The following DDAH1 variants were observed in gnomAD, a reference collection of about 807,000 sequenced individuals.
The protein encoded by DDAH1 is N(G),N(G)-dimethylarginine dimethylaminohydrolase 1.
A neutral mutation model predicts 28.8 loss-of-function variants in DDAH1; 19 were observed. The ratio of observed to expected loss-of-function variants is 0.66; its 90% CI spans 0.46 to 0.97. The LOEUF is 0.97. Among genes scored for constraint, DDAH1 ranks in the 50% least tolerant of loss-of-function variants. The pLI is 0.00. For synonymous variants in DDAH1, 153 were observed against 154.4 expected, an observed-to-expected ratio of 0.99 and a Z score of 0.07; for missense variants, 326 against 375.9, an observed-to-expected ratio of 0.87 and a Z score of 1.10.
intron 1 of DDAH1, among the ~76,000 whole-genome samples, chr1:85,398,283 T>C (rs1299690705): frequency 6.6e-6 from 1 of 152,226 alleles, no homozygotes; most frequent in Non-Finnish European, 1.5e-5. Context: ...TGTACTTATA[T>C]ACAAATAATC....
chr1:85,500,126 CTTTCT>C (rs1656752670), intron 1 of DDAH1, among the ~76,000 whole-genome samples: 7 of 39,020 alleles, frequency 1.8e-4, no homozygotes, highest in Non-Finnish European at 3.9e-4. Context: ...TTCTTTCTTT[CTTTCT>C]TTCTTTCTTT....
chr1:85,352,301 G>A (rs1466465455), intron 2 of DDAH1, among the ~76,000 whole-genome samples: 2 of 151,996 alleles, frequency 1.3e-5, no homozygotes, highest in East Asian at 1.9e-4. Context: ...GTGATGGGAC[G>A]GTGTCCTGTC....
At chr1:85,480,446 T>A (rs1028553996) in intron 2 of DDAH1, among the ~76,000 whole-genome samples, 1 of 152,166 alleles carries the variant, frequency 6.6e-6, no homozygotes, top group Non-Finnish European at 1.5e-5. Context: ...CCATTCATCA[T>A]TTTAAAAATC....
chr1:85,563,715 G>T (rs1166994818), intron 1 of DDAH1, among the ~76,000 whole-genome samples: 2 of 152,138 alleles, frequency 1.3e-5, no homozygotes, highest in Non-Finnish European at 2.9e-5. Context: ...AATGTAAACA[G>T]ACTCAGAAAT....
rs113630668 is a variant in DDAH1, at chr1:85,431,000, C to T, written c.303+33743G>A. 3.7e-3 allele frequency among the ~76,000 whole-genome samples: 561 copies of T among 152,232 alleles called. 7 individuals are homozygous for T. Among genetic ancestry groups the T allele is most frequent in the African/African-American group, 0.013 (521 of 41,526 alleles). ...TCAAAGGGAATGCTTCCAGCTTTTA[C>T]CCGTTCAGTGTGATATTGGCTGTGG... On this transcript the variant is annotated intron_variant, in intron 1 of 5. Coordinates refer to ENST00000284031, the MANE Select transcript of DDAH1 (RefSeq NM_012137.4).
intron 1 of DDAH1, among the ~76,000 whole-genome samples, chr1:85,454,882 T>C (rs1435056674): frequency 8.5e-5 from 13 of 152,100 alleles, no homozygotes; most frequent in Admixed American, 8.5e-4. Context: ...GACTCAGAGA[T>C]TAGGGAGGCC....
At chr1:85,425,569 A>G (rs1653357661) in intron 1 of DDAH1, among the ~76,000 whole-genome samples, 1 of 152,222 alleles carries the variant, frequency 6.6e-6, no homozygotes, top group South Asian at 2.1e-4. Context: ...GATCACCATC[A>G]ATACGTAACG....
rs574132953 is a variant in DDAH1, at chr1:85,404,613, G to A, written c.304-45766C>T. 586 of 1,071,878 alleles carry A rather than the reference G, an allele frequency of 5.5e-4. 2 individuals carry two copies. The African/African-American group carries it at 8.0e-3, about 15-fold the overall frequency. The allele number at this position is 1,071,878 out of a possible 1,614,324, so 66.4% of individuals were successfully genotyped here. ...AATACAGAGCATGTCTGCTGAAACC[G>A]AATCCAAGAGTTCAATGATACTGTA... On this transcript the variant is annotated intron_variant, in intron 1 of 5. Transcript: ENST00000284031.
intron 1 of DDAH1, among the ~76,000 whole-genome samples, chr1:85,441,946 G>A (rs1023936019): frequency 5.9e-5 from 9 of 151,882 alleles, no homozygotes; most frequent in African/African-American, 1.5e-4. Flanking sequence ...TTTCATCGCC[G>A]TGAAAGTCTT....
At chr1:85,332,483 C>A (rs1332003959) in intron 4 of DDAH1, among the ~76,000 whole-genome samples, 1 of 152,212 alleles carries the variant, frequency 6.6e-6, no homozygotes, top group African/African-American at 2.4e-5. Flanking sequence ...CAGGCTGCCA[C>A]CATTGTCATA....
intron 1 of DDAH1, among the ~76,000 whole-genome samples, chr1:85,552,109 G>T (rs1658809858): frequency 6.6e-6 from 1 of 152,168 alleles, no homozygotes; most frequent in Non-Finnish European, 1.5e-5. Flanking sequence ...CTGAAAGAAG[G>T]CCCAAATCTA....
Position 85,564,192 on chromosome 1 carries a change from A to G in DDAH1, c.-123+13792T>C, listed in dbSNP as rs188571678. The stretch of plus-strand genomic sequence containing the variant: ...TCTCAAAAACAAAACAAAACAAAAC[A>G]AAACAAAACTACAATGTCTGAGATA... On this transcript the variant is annotated intron_variant, in intron 1 of 6. Transcript: ENST00000426972. 3.3e-5 allele frequency among the ~76,000 whole-genome samples: 5 copies of G among 152,164 alleles called. No homozygotes were observed. In the South Asian group the frequency reaches 8.3e-4, roughly 25 times the overall value.
chr1:85,464,459 A>G lies in DDAH1; in HGVS notation c.303+284T>C. On this transcript the variant is annotated intron_variant, in intron 1 of 5. Transcript: ENST00000284031. This position sits in a 1 kb window ranked among gnomAD's most constrained non-coding sequence, Gnocchi z 4.4. ...TCGCTGCCGTTTAATTTTCACAAAT[A>G]AAAATGCCCGTGAGACGGAATCCCC... 6.7e-7 allele frequency: 1 copy of G among 1,490,702 alleles called. No homozygotes were observed. The highest frequency in any genetic ancestry group is 9.0e-7 in the Non-Finnish European group (1 of 1,115,752). 92.3% of individuals were successfully genotyped at this position (1,490,702 alleles called of 1,614,324 possible). A position where few individuals can be genotyped will look rare whatever the true frequency, so the allele number is the denominator to read the frequency against.
At chr1:85,346,371 C>G (rs969992552) in intron 4 of DDAH1, among the ~76,000 whole-genome samples, 1 of 152,186 alleles carries the variant, frequency 6.6e-6, no homozygotes, top group Admixed American at 6.5e-5. Context: ...TGAGACTGCT[C>G]AGATCCTGGA....
upstream of DDAH1, among the ~76,000 whole-genome samples, chr1:85,466,994 C>T (rs1031195938): frequency 4.0e-5 from 6 of 151,830 alleles, no homozygotes; most frequent in Admixed American, 1.3e-4. Context: ...TGTGCCACCA[C>T]GCCTGGCTAA....
intron 5 of DDAH1, among the ~76,000 whole-genome samples, chr1:85,324,300 AAAT>A (rs1647230809): frequency 6.8e-6 from 1 of 146,384 alleles, no homozygotes; most frequent in African/African-American, 2.5e-5. Flanking sequence ...TAATAATAAT[AAAT>A]AAAAAAATAA....
chr1:85,394,412 C>T (rs944441061), intron 1 of DDAH1, among the ~76,000 whole-genome samples: 12 of 152,178 alleles, frequency 7.9e-5, no homozygotes, highest in African/African-American at 2.9e-4. Context: ...GACTTTCCAG[C>T]CTCTAGAATA....
intron 1 of DDAH1, among the ~76,000 whole-genome samples, chr1:85,527,128 T>C (rs1230105627): frequency 1.4e-4 from 22 of 152,224 alleles, no homozygotes; most frequent in African/African-American, 5.3e-4. Flanking sequence ...TACCAAGATA[T>C]ACAACCTATG....
chr1:85,530,500 A>G (rs1405015943), intron 1 of DDAH1, among the ~76,000 whole-genome samples: 1 of 151,762 alleles, frequency 6.6e-6, no homozygotes, highest in Non-Finnish European at 1.5e-5. Flanking sequence ...TGCTGATAAT[A>G]AAAAGTCCAA....
Sources: gnomAD v4.1 joint callset for allele counts (sites outside exome capture counted in the v4.1 genomes callset) on GRCh38, gnomAD v4.1.1 for gene constraint, Gnocchi (gnomAD v3.1) non-coding constraint, MANE v1.5 for transcripts, NCBI Gene and HGNC (gene_info 2026-07-23, HGNC 2026-07-21) for gene names.